Variants in EFL1 observed in about 807,000 individuals in gnomAD.
EFL1 encodes elongation factor-like GTPase 1.
In EFL1, 76 loss-of-function variants were observed where a neutral mutation model predicts 126.7. That is an observed-to-expected ratio of 0.60 (90% confidence interval 0.50 to 0.73). The LOEUF (loss-of-function observed/expected upper bound fraction) is 0.73, where lower values mean the gene tolerates loss of function less well. EFL1 is among the 30% of genes least tolerant of loss of function. The pLI, the probability that EFL1 is intolerant of heterozygous loss-of-function variation, is 0.00. For synonymous variants in EFL1, 410 were observed against 448.4 expected, an observed-to-expected ratio of 0.91 and a Z score of 1.08; for missense variants, 1,128 against 1,343.2, an observed-to-expected ratio of 0.84 and a Z score of 2.50.
At chr15:82,189,433 C>T (rs2074335585) in intron 15 of EFL1, among the ~76,000 whole-genome samples, 1 of 152,208 alleles carries the variant, frequency 6.6e-6, no homozygotes, top group South Asian at 2.1e-4. Flanking sequence ...TCATGAATCA[C>T]ATGTTTTTTC....
chr15:82,153,359 CA>C (rs1384343908), intron 17 of EFL1, among the ~76,000 whole-genome samples: 2 of 152,104 alleles, frequency 1.3e-5, no homozygotes, highest in Admixed American at 6.5e-5. Flanking sequence ...CTGACAAAGA[CA>C]GTATATATAC....
intron 15 of EFL1, among the ~76,000 whole-genome samples, chr15:82,207,515 T>A (rs2074538190): frequency 6.6e-6 from 1 of 151,968 alleles, no homozygotes; most frequent in African/African-American, 2.4e-5. Context: ...GTATAGGAAG[T>A]ATGATTTTTA....
chr15:82,195,597 G>T (rs1416298607), intron 15 of EFL1, among the ~76,000 whole-genome samples: 2 of 152,162 alleles, frequency 1.3e-5, no homozygotes, highest in East Asian at 1.9e-4. Flanking sequence ...TGTCCCTCAA[G>T]TTTCCCATAT....
intron 13 of EFL1, 67 bp from the exon 14 acceptor site, chr15:82,219,885 AG>A (rs2074691308): frequency 1.3e-6 from 2 of 1,535,472 alleles, no homozygotes; most frequent in Admixed American, 4.4e-5. Context: ...TCTGAAATAT[AG>A]AAGGAGGAGT....
At chr15:82,158,249 G>T (rs900769704) in intron 16 of EFL1, among the ~76,000 whole-genome samples, 1 of 152,044 alleles carries the variant, frequency 6.6e-6, no homozygotes, top group African/African-American at 2.4e-5. Flanking sequence ...ATAAGCAAAA[G>T]AAACATTTAA....
intron 4 of EFL1, among the ~76,000 whole-genome samples, chr15:82,247,157 G>T (rs2074980306): frequency 6.6e-6 from 1 of 152,072 alleles, no homozygotes; most frequent in Admixed American, 6.5e-5. Context: ...TGAAGTCAAA[G>T]AATGGGTACC....
intron 15 of EFL1, among the ~76,000 whole-genome samples, chr15:82,168,094 C>T (rs2074097614): frequency 1.3e-5 from 2 of 152,224 alleles, no homozygotes; most frequent in South Asian, 2.1e-4. Context: ...ATCTAGAGAA[C>T]CCTTAGTTTT....
chr15:82,139,527 T>G lies in EFL1; in HGVS notation c.2990-685A>C, dbSNP rs759220596. Among the ~76,000 whole-genome samples, 26 of 152,286 alleles carry G rather than the reference T, an allele frequency of 1.7e-4. No individual in the cohort carries two copies. The South Asian group carries it at 2.3e-3, about 13-fold the overall frequency. ...CTTTAGGCACAATTCTGCCTCACAC[T>G]CAGGAGGGAAACATCTTCCCCTCTG... is the stretch of plus-strand genomic sequence containing the variant. On this transcript the variant is annotated intron_variant, in intron 18 of 19. Coordinates refer to ENST00000268206, the MANE Select transcript of EFL1 (RefSeq NM_024580.6).
chr15:82,155,358 T>C (rs2073956544), intron 17 of EFL1, among the ~76,000 whole-genome samples: 1 of 151,976 alleles, frequency 6.6e-6, no homozygotes, highest in African/African-American at 2.4e-5. Flanking sequence ...AAAAGTTAGC[T>C]GGGCGTGGTG....
In EFL1 at chr15:82,224,856, A is replaced by T. The variant is rs181708276; in HGVS notation, c.1292+309T>A. Among the ~76,000 whole-genome samples the T allele has an allele frequency of 2.0e-5, 3 of 152,374 alleles. No homozygotes were observed. The South Asian group carries it at 6.2e-4, about 32-fold the overall frequency. ...GGCAGAATTAGATGAGACAAGGCAG[A>T]CTTAGATTAGAACTTGCCTGACATG... is the stretch of plus-strand genomic sequence containing the variant. On this transcript the variant is annotated intron_variant, in intron 12 of 19. Transcript: ENST00000268206.
At chr15:82,178,494 G>A (rs1371894734) in intron 15 of EFL1, among the ~76,000 whole-genome samples, 1 of 152,164 alleles carries the variant, frequency 6.6e-6, no homozygotes, top group Non-Finnish European at 1.5e-5. Flanking sequence ...CTCTCTTAGA[G>A]GGAAAAAGGC....
In EFL1 at chr15:82,197,354, T is replaced by C. The variant is rs571376109; in HGVS notation, c.1750+17363A>G. 7.9e-5 allele frequency among the ~76,000 whole-genome samples: 12 copies of C among 152,344 alleles called. No homozygotes were observed. In the South Asian group the frequency reaches 2.5e-3, roughly 32 times the overall value. On this transcript the variant is annotated intron_variant, in intron 15 of 19. Transcript: ENST00000268206. ...AGTCAAATAATAAAACAAATTCAGA[T>C]ACAACAGTGAAGGAATAACAACTTT...
chr15:82,259,051 C>T (rs1210059505), intron 3 of EFL1, 37 bp downstream of exon 3: 4 of 1,576,682 alleles, frequency 2.5e-6, no homozygotes, highest in Non-Finnish European at 2.6e-6. Context: ...ATAGCTAATA[C>T]TGAAATGCAA....
chr15:82,253,153 C>T (rs2075038573), intron 3 of EFL1, among the ~76,000 whole-genome samples: 1 of 152,104 alleles, frequency 6.6e-6, no homozygotes, highest in African/African-American at 2.4e-5. Context: ...ATTCTCTTGC[C>T]TCAGGCCTCC....
chr15:82,178,992 A>G (rs1468294967), intron 15 of EFL1, among the ~76,000 whole-genome samples: 1 of 152,072 alleles, frequency 6.6e-6, no homozygotes, highest in African/African-American at 2.4e-5. Flanking sequence ...AAAAAAATAA[A>G]AATTACCCAG....
intron 15 of EFL1, among the ~76,000 whole-genome samples, chr15:82,182,803 C>G (rs891699665): frequency 1.3e-5 from 2 of 150,802 alleles, no homozygotes; most frequent in African/African-American, 4.9e-5. Flanking sequence ...CCAGCCTGGG[C>G]GACAGAGCCA....
intron 7 of EFL1, among the ~76,000 whole-genome samples, chr15:82,235,067 T>C (rs944836671): frequency 6.6e-6 from 1 of 152,074 alleles, no homozygotes; most frequent in Non-Finnish European, 1.5e-5. Context: ...TTATACCCCA[T>C]AGGGAAGACA....
intron 18 of EFL1, 139 bp from the exon 19 acceptor site, chr15:82,138,981 G>C (rs1349483782): frequency 1.2e-6 from 1 of 834,792 alleles, no homozygotes; most frequent in African/African-American, 1.8e-5. Context: ...CAAAAGCAAG[G>C]AACACTTTTT....
intron 15 of EFL1, among the ~76,000 whole-genome samples, chr15:82,194,140 G>A (rs748104227): frequency 1.2e-4 from 18 of 152,168 alleles, no homozygotes; most frequent in Non-Finnish European, 2.1e-4. Flanking sequence ...CCACAGCTGG[G>A]TTTGGTCAGT....
Sources: allele counts gnomAD v4.1 joint callset (sites outside exome capture counted in the v4.1 genomes callset), GRCh38; gene constraint gnomAD v4.1.1; transcripts MANE v1.5; gene names NCBI Gene and HGNC (gene_info 2026-07-23, HGNC 2026-07-21).